RBMS1: variants seen among roughly 807,000 people sequenced by gnomAD.
RBMS1 encodes RNA-binding motif, single-stranded-interacting protein 1.
Under a neutral mutation model 62.3 loss-of-function variants are expected in RBMS1, and 17 were observed. That is an observed-to-expected ratio of 0.27 (90% CI 0.19 to 0.41). RBMS1 has a LOEUF of 0.41. RBMS1 is among the 10% of genes least tolerant of loss of function. The pLI, the probability that RBMS1 is intolerant of heterozygous loss-of-function variation, is 1.00. For synonymous variants in RBMS1, 172 were observed against 170.0 expected (o/e 1.01, Z -0.09); for missense variants, 334 against 504.5 (o/e 0.66, Z 3.24).
intron 2 of RBMS1, among the ~76,000 whole-genome samples, chr2:160,357,601 T>C (rs1692872382): frequency 6.6e-6 from 1 of 152,134 alleles, no homozygotes; most frequent in Non-Finnish European, 1.5e-5. Flanking sequence ...TGACGTGCAG[T>C]TATGCTTAAT....
At chr2:160,472,788 C>T (rs935776611) in intron 1 of RBMS1, among the ~76,000 whole-genome samples, 5 of 152,080 alleles carry the variant, frequency 3.3e-5, no homozygotes, top group South Asian at 4.1e-4. Context: ...TTCAGTGATC[C>T]TTTTATTATT....
chr2:160,367,133 T>C, intron 2 of RBMS1, 83 bp downstream of exon 2: 1 of 1,328,742 alleles, frequency 7.5e-7, no homozygotes, highest in East Asian at 2.3e-5. Flanking sequence ...TATAAACTTC[T>C]CTTATAATGC....
intron 2 of RBMS1, among the ~76,000 whole-genome samples, chr2:160,321,895 C>G (rs1000692986): frequency 6.6e-6 from 1 of 152,214 alleles, no homozygotes; most frequent in Non-Finnish European, 1.5e-5. Flanking sequence ...TCAACCCTGT[C>G]TGTTGCATTA....
intron 2 of RBMS1, among the ~76,000 whole-genome samples, chr2:160,320,720 C>T (rs1013721564): frequency 1.3e-5 from 2 of 152,098 alleles, no homozygotes; most frequent in African/African-American, 2.4e-5. Flanking sequence ...TCCTGAGGCC[C>T]TCAACAAGCA....
intron 1 of RBMS1, among the ~76,000 whole-genome samples, chr2:160,380,484 C>T (rs1350711317): frequency 1.3e-5 from 2 of 152,080 alleles, no homozygotes; most frequent in African/African-American, 4.8e-5. Flanking sequence ...TTCAGAGCGC[C>T]CCGTACGATA....
At chr2:160,463,004 A>G (rs1178491335) in intron 1 of RBMS1, among the ~76,000 whole-genome samples, 1 of 152,210 alleles carries the variant, frequency 6.6e-6, no homozygotes, top group Non-Finnish European at 1.5e-5. Context: ...TGTTATTTAC[A>G]GTATACATGA....
intron 2 of RBMS1, among the ~76,000 whole-genome samples, chr2:160,349,551 G>GAA (rs1184615089): frequency 7.2e-6 from 1 of 138,794 alleles, no homozygotes; most frequent in East Asian, 2.3e-4. Flanking sequence ...CTCAGAGACA[G>GAA]AAAGAGAGAG....
At chr2:160,358,997 A>G (rs766833691) in intron 2 of RBMS1, among the ~76,000 whole-genome samples, 9 of 152,136 alleles carry the variant, frequency 5.9e-5, no homozygotes, top group Non-Finnish European at 1.0e-4. Context: ...ATATAGCTCA[A>G]TATGTCCTAA....
intron 2 of RBMS1, among the ~76,000 whole-genome samples, chr2:160,320,497 T>C (rs1690495075): frequency 6.6e-6 from 1 of 152,144 alleles, no homozygotes. Flanking sequence ...ACTCCCAATG[T>C]TGGAGATCAG....
chr2:160,430,921 A>T (rs1682867599), intron 1 of RBMS1, among the ~76,000 whole-genome samples: 1 of 151,598 alleles, frequency 6.6e-6, no homozygotes, highest in South Asian at 2.1e-4. Flanking sequence ...GGCGCTTAGC[A>T]CCAGGTCCTT....
At chr2:160,443,894 T>C (rs941881653) in intron 1 of RBMS1, among the ~76,000 whole-genome samples, 1 of 152,206 alleles carries the variant, frequency 6.6e-6, no homozygotes, top group East Asian at 1.9e-4. Flanking sequence ...TCTGTACTTG[T>C]AGTACTTGTA....
At chr2:160,334,305 T>C (rs1005525171) in intron 2 of RBMS1, among the ~76,000 whole-genome samples, 38 of 152,194 alleles carry the variant, frequency 2.5e-4, no homozygotes, top group South Asian at 8.3e-4. Context: ...GCAATGAATA[T>C]GTGGGCAGTC....
chr2:160,284,924 G>A (rs371320175), intron 8 of RBMS1, 56 bp from the exon 9 acceptor site: 11 of 1,570,440 alleles, frequency 7.0e-6, no homozygotes, highest in South Asian at 1.1e-5. Context: ...ATAATTCATG[G>A]AACAAATGTC....
chr2:160,290,759 G>C (rs1295542343), intron 6 of RBMS1, among the ~76,000 whole-genome samples: 1 of 152,184 alleles, frequency 6.6e-6, no homozygotes, highest in Admixed American at 6.5e-5. Context: ...TGCAAACACT[G>C]ATCTAATATT....
At chr2:160,488,548 C>T (rs989088123) in intron 1 of RBMS1, among the ~76,000 whole-genome samples, 2 of 152,038 alleles carry the variant, frequency 1.3e-5, no homozygotes, top group Non-Finnish European at 2.9e-5. Flanking sequence ...CACACTCCAG[C>T]CTGGGCAACA....
At chr2:160,385,500 C>T (rs910986459) in intron 1 of RBMS1, among the ~76,000 whole-genome samples, 1 of 152,200 alleles carries the variant, frequency 6.6e-6, no homozygotes, top group African/African-American at 2.4e-5. Context: ...CCCTGGAAGG[C>T]CTGGCCTGTT....
At position 160,300,109 on chromosome 2, in the gene RBMS1, T is replaced by A. The variant is rs575532340; in HGVS notation, c.640+542A>T. 3.3e-5 allele frequency among the ~76,000 whole-genome samples: 5 copies of A among 152,220 alleles called. No homozygotes were observed. In the East Asian group the frequency reaches 9.6e-4, roughly 29 times the overall value. ...GGAAAGAGAAACAGGTAAAGGAGGA[T>A]GAATAAACAGTGAAAAGAGAAGGAT... is the stretch of plus-strand genomic sequence containing the variant. On this transcript the variant is annotated intron_variant, in intron 6 of 13. Transcript: ENST00000348849.
At chr2:160,473,846 T>A (rs938997565) in intron 1 of RBMS1, among the ~76,000 whole-genome samples, 1 of 152,204 alleles carries the variant, frequency 6.6e-6, no homozygotes, top group Non-Finnish European at 1.5e-5. Context: ...TCTACTCAGA[T>A]AATCTATTTT....
intron 2 of RBMS1, among the ~76,000 whole-genome samples, chr2:160,346,742 A>G (rs1159358167): frequency 6.6e-6 from 1 of 152,190 alleles, no homozygotes; most frequent in Non-Finnish European, 1.5e-5. Context: ...ATGCAATGGA[A>G]TGGAAAAACT....
Sources: allele counts gnomAD v4.1 joint callset (sites outside exome capture counted in the v4.1 genomes callset), GRCh38; gene constraint gnomAD v4.1.1; transcripts MANE v1.5; gene names NCBI Gene and HGNC (gene_info 2026-07-23, HGNC 2026-07-21).